STMN4: variants seen among roughly 807,000 people sequenced by gnomAD.
STMN4 encodes stathmin 4.
Under a neutral mutation model 29.1 loss-of-function variants are expected in STMN4, and 12 were observed. The observed-to-expected ratio is 0.41, with a 90% CI of 0.26 to 0.67. The LOEUF (loss-of-function observed/expected upper bound fraction) is 0.67, where lower values mean the gene tolerates loss of function less well. STMN4 is among the 30% of genes least tolerant of loss of function. The pLI is 0.30. For synonymous variants in STMN4, 114 were observed against 105.3 expected (o/e 1.08, Z -0.51); for missense variants, 181 against 262.8 (o/e 0.69, Z 2.15).
At chr8:27,239,711 C>T in intron 6 of STMN4, 1 of 1,446,642 alleles carries the variant, frequency 6.9e-7, no homozygotes, top group Admixed American at 2.7e-5. Context: ...GACATATATG[C>T]TCCCTAAGGC....
chr8:27,241,333 T>C, intron 4 of STMN4, 71 bp from the exon 5 acceptor site: 1 of 1,590,880 alleles, frequency 6.3e-7, no homozygotes, highest in South Asian at 1.1e-5. Context: ...ATGCGGCGCA[T>C]GCACACGGGA....
At chr8:27,240,456 A>G (rs979703012) in intron 5 of STMN4, among the ~76,000 whole-genome samples, 1 of 152,190 alleles carries the variant, frequency 6.6e-6, no homozygotes, top group African/African-American at 2.4e-5. Flanking sequence ...ACTATGTGCC[A>G]GGCACTGGTC....
At chr8:27,239,387 G>C (rs1801399698) in intron 6 of STMN4, 2 of 1,263,808 alleles carry the variant, frequency 1.6e-6, no homozygotes, top group South Asian at 2.8e-5. Context: ...GAACGGGCCG[G>C]TATTCTGCTG....
intron 4 of STMN4, 54 bp from the exon 5 acceptor site, chr8:27,241,316 A>T: frequency 6.2e-7 from 1 of 1,608,630 alleles, no homozygotes; most frequent in South Asian, 1.1e-5. Flanking sequence ...ACAGGCACCC[A>T]GCAAGCATGC....
At chr8:27,247,901 C>T (rs193205097) in intron 1 of STMN4, among the ~76,000 whole-genome samples, 31 of 152,334 alleles carry the variant, frequency 2.0e-4, no homozygotes, top group African/African-American at 7.2e-4. Context: ...TCAGAGGTTC[C>T]TTATGTGTTT....
chr8:27,239,333 G>C (rs1338536592), intron 6 of STMN4: 3 of 1,531,612 alleles, frequency 2.0e-6, no homozygotes, highest in Non-Finnish European at 2.6e-6. Flanking sequence ...GAGAAACTGG[G>C]GCGGCCTTGA....
intron 6 of STMN4, chr8:27,239,592 A>G (rs1357375681): frequency 3.9e-5 from 40 of 1,038,858 alleles, no homozygotes; most frequent in Non-Finnish European, 5.2e-5. Context: ...AGCTCAAGAA[A>G]GCATCTTTCC....
chr8:27,247,932 C>T (rs1801672494), intron 1 of STMN4, among the ~76,000 whole-genome samples: 1 of 152,228 alleles, frequency 6.6e-6, no homozygotes, highest in Non-Finnish European at 1.5e-5. Context: ...GAGAGCCAAT[C>T]CTAGCCCTTC....
chr8:27,237,608 C>A (rs931686607), intron 6 of STMN4, among the ~76,000 whole-genome samples: 6 of 152,070 alleles, frequency 3.9e-5, no homozygotes, highest in Admixed American at 3.9e-4. Flanking sequence ...TTGCCCAACT[C>A]CAAAAAGTGG....
At position 27,251,809 on chromosome 8, in the gene STMN4, T is replaced by C. The variant is rs766052443; in HGVS notation, c.-79+6542A>G. Among the ~76,000 whole-genome samples the C allele has an allele frequency of 0.012, 16 of 1,320 alleles. 1 individual carries two copies. In the Non-Finnish European group the frequency reaches 0.22, roughly 18 times the overall value. The allele number at this position is 1,320 out of a possible 152,430, so 0.9% of individuals were successfully genotyped here. On this transcript the variant is annotated intron_variant, in intron 1 of 6. Coordinates refer to ENST00000350889, the MANE Select transcript of STMN4 (RefSeq NM_030795.4). The stretch of plus-strand genomic sequence containing the variant: ...TTCTTTTTTGCCATCTTTTTTTTTC[T>C]TTTTTTTTTTATTATTATACTTTAA...
chr8:27,253,673 T>A (rs967454203), intron 1 of STMN4, among the ~76,000 whole-genome samples: 16 of 152,196 alleles, frequency 1.1e-4, no homozygotes, highest in African/African-American at 3.9e-4. Flanking sequence ...TCTGGTGTTT[T>A]CTTTACTTGT....
intron 1 of STMN4, among the ~76,000 whole-genome samples, chr8:27,248,219 A>C (rs1229595180): frequency 6.6e-6 from 1 of 151,758 alleles, no homozygotes; most frequent in East Asian, 1.9e-4. Context: ...AGAGGACTCT[A>C]TTTATTTATT....
At chr8:27,250,597 C>T (rs571741301) in intron 1 of STMN4, among the ~76,000 whole-genome samples, 73 of 152,248 alleles carry the variant, frequency 4.8e-4, no homozygotes, top group African/African-American at 1.6e-3. Context: ...AAGGAACCAG[C>T]GAGACCTACA....
rs550576886 is a variant in STMN4, at chr8:27,241,330, G to A, written c.191-68C>T. 1.7e-4 allele frequency: 275 copies of A among 1,591,794 alleles called. 1 individual carries two copies. In the African/African-American group the frequency reaches 2.8e-3, roughly 16 times the overall value. On this transcript the variant is annotated intron_variant, in intron 4 of 6. Transcript: ENST00000350889. Reference sequence around the variant, plus strand: ...CACAGGCACCCAGCAAGCATGCGGCGCATGCACACGGGAGTGGGAGAACTG... The same window carrying A: ...CACAGGCACCCAGCAAGCATGCGGCACATGCACACGGGAGTGGGAGAACTG...
At position 27,236,682 on chromosome 8, in the gene STMN4, A is replaced by G; in HGVS notation, c.*164T>C. 3.8e-6 allele frequency: 2 copies of G among 529,252 alleles called. No individual in the cohort carries two copies. Among genetic ancestry groups the G allele is most frequent in the Non-Finnish European group, 6.4e-6 (2 of 312,184 alleles). 32.8% of individuals were successfully genotyped at this position (529,252 alleles called of 1,614,324 possible). Reference sequence around the variant, plus strand: ...AACAAATAGGATGGCTTCACTGGTCAATTCTTAACATGTACAAACACCAAA... The same window carrying G: ...AACAAATAGGATGGCTTCACTGGTCGATTCTTAACATGTACAAACACCAAA... On this transcript the variant is annotated 3_prime_UTR_variant, in exon 7 of 7. Coordinates refer to ENST00000350889, the MANE Select transcript of STMN4 (RefSeq NM_030795.4).
At chr8:27,247,559 G>T (rs1801660816) in intron 1 of STMN4, among the ~76,000 whole-genome samples, 2 of 152,312 alleles carry the variant, frequency 1.3e-5, no homozygotes, top group African/African-American at 4.8e-5. Flanking sequence ...CACCTGGCCT[G>T]GTTGTGTGAT....
intron 6 of STMN4, among the ~76,000 whole-genome samples, chr8:27,238,419 A>G (rs953254031): frequency 1.1e-4 from 16 of 152,170 alleles, no homozygotes; most frequent in African/African-American, 1.9e-4. Flanking sequence ...TGCCCCCTCA[A>G]ATGTCTGCTC....
chr8:27,243,344 A>T (rs960866267), intron 2 of STMN4, among the ~76,000 whole-genome samples: 1 of 152,152 alleles, frequency 6.6e-6, no homozygotes, highest in Admixed American at 6.5e-5. Context: ...GATACTGGGG[A>T]CTATAGGCAT....
chr8:27,253,700 A>AT (rs34987732), intron 1 of STMN4, among the ~76,000 whole-genome samples: 18,724 of 148,834 alleles, frequency 0.13, 1,856 homozygotes, highest in East Asian at 0.43. Flanking sequence ...CATTGATACC[A>AT]TTTTTTTTTG....
Sources: gnomAD v4.1 joint callset for allele counts (sites outside exome capture counted in the v4.1 genomes callset) on GRCh38, gnomAD v4.1.1 for gene constraint, MANE v1.5 for transcripts, NCBI Gene and HGNC (gene_info 2026-07-23, HGNC 2026-07-21) for gene names.